Variants in SMAD3 observed in about 807,000 individuals in gnomAD.
SMAD3 encodes MAD homolog 3.
SMAD3 carries 12 observed loss-of-function variants against 51.8 expected under a neutral mutation model. That is an observed-to-expected ratio of 0.23 (90% CI 0.15 to 0.38). SMAD3 has a LOEUF of 0.38. Among genes scored for constraint, SMAD3 ranks in the 10% least tolerant of loss-of-function variants. SMAD3 has a pLI of 1.00. For missense variants in SMAD3, 294 were observed against 565.6 expected, an observed-to-expected ratio of 0.52 and a Z score of 4.87; for synonymous variants, 238 against 227.7, an observed-to-expected ratio of 1.05 and a Z score of -0.41.
intron 5 of SMAD3, among the ~76,000 whole-genome samples, chr15:67,171,728 G>A (rs1962757531): frequency 6.6e-6 from 1 of 152,200 alleles, no homozygotes; most frequent in South Asian, 2.1e-4. Context: ...GGCAGTGTGG[G>A]ATGTGACTTT....
intron 1 of SMAD3, among the ~76,000 whole-genome samples, chr15:67,130,403 G>A (rs969681897): frequency 6.6e-6 from 1 of 152,334 alleles, no homozygotes; most frequent in Admixed American, 6.5e-5. Flanking sequence ...GTAGTAGTAG[G>A]TGAGTGGTGG....
At chr15:67,077,109 A>C (rs1236739926) in intron 1 of SMAD3, among the ~76,000 whole-genome samples, 1 of 152,226 alleles carries the variant, frequency 6.6e-6, no homozygotes, top group African/African-American at 2.4e-5. Flanking sequence ...TGGTCAAGGC[A>C]GGATGATAGA....
chr15:67,186,500 C>T (rs1172452969), intron 7 of SMAD3, among the ~76,000 whole-genome samples: 1 of 152,242 alleles, frequency 6.6e-6, no homozygotes, highest in East Asian at 1.9e-4. Context: ...AGTCACACAG[C>T]AAGAACAGGA....
At chr15:67,117,944 T>C (rs928491258) in intron 1 of SMAD3, among the ~76,000 whole-genome samples, 58 of 152,106 alleles carry the variant, frequency 3.8e-4, no homozygotes, top group African/African-American at 1.3e-3. Context: ...ATACAAAAAT[T>C]AGCCGGGCGT....
At chr15:67,179,204 G>A (rs185525036) in intron 5 of SMAD3, among the ~76,000 whole-genome samples, 40 of 152,300 alleles carry the variant, frequency 2.6e-4, no homozygotes, top group African/African-American at 7.5e-4. Flanking sequence ...TCTGGAGGAT[G>A]GCTTTATAGC....
chr15:67,146,219 A>C (rs894095225), intron 1 of SMAD3: 6 of 152,228 alleles, frequency 3.9e-5, no homozygotes, highest in African/African-American at 1.4e-4. Flanking sequence ...TAGAATCTTA[A>C]ATGTTTCCTA....
chr15:67,152,869 C>T (rs991432758), intron 1 of SMAD3, among the ~76,000 whole-genome samples: 1 of 152,134 alleles, frequency 6.6e-6, no homozygotes, highest in African/African-American at 2.4e-5. Flanking sequence ...AATAGAAAAG[C>T]CCTAAACACT....
At chr15:67,069,194 G>T (rs917909691) in intron 1 of SMAD3, among the ~76,000 whole-genome samples, 3 of 152,172 alleles carry the variant, frequency 2.0e-5, no homozygotes, top group African/African-American at 7.2e-5. Flanking sequence ...TATCAGGGGA[G>T]CTGGCGTGAT....
rs944978027 is a variant in SMAD3, at chr15:67,192,658, C to T, written c.*2122C>T. 1.3e-5 allele frequency: 3 copies of T among 233,220 alleles called. No homozygotes were observed. The highest frequency in any genetic ancestry group is 6.6e-5 in the African/African-American group (3 of 45,336). 14.4% of individuals were successfully genotyped at this position (233,220 alleles called of 1,614,324 possible). On this transcript the variant is annotated 3_prime_UTR_variant, in exon 9 of 9. Coordinates refer to ENST00000327367, the MANE Select transcript of SMAD3 (RefSeq NM_005902.4). ...CTGCTGCACGATCCTATGAGGGCTTCCTGTGGCACACAGCCCTCTGGGTGC... is the reference window on the plus strand; with the variant it reads ...CTGCTGCACGATCCTATGAGGGCTTTCTGTGGCACACAGCCCTCTGGGTGC...
chr15:67,182,888 G>A (rs577623372), intron 6 of SMAD3, among the ~76,000 whole-genome samples: 25 of 149,290 alleles, frequency 1.7e-4, no homozygotes, highest in African/African-American at 3.7e-4. Flanking sequence ...AGGCCCAGTC[G>A]CAAACTCTTG....
rs966219771 is a variant in SMAD3, at chr15:67,193,224, TAG to T, written c.*2691_*2692del. 7 of 233,354 alleles carry T rather than the reference TAG, an allele frequency of 3.0e-5. No homozygotes were observed. Among genetic ancestry groups the T allele is most frequent in the Non-Finnish European group, 5.1e-5 (6 of 118,070 alleles). 14.5% of individuals were successfully genotyped at this position (233,354 alleles called of 1,614,324 possible). ...GGGCAAGAGGAAACCAGGGCAGTTCTAGAGGAGTGCTGGTGACTGGATAGCAG... is the reference window on the plus strand; with the variant it reads ...GGGCAAGAGGAAACCAGGGCAGTTCTAGGAGTGCTGGTGACTGGATAGCAG... On this transcript the variant is annotated 3_prime_UTR_variant, in exon 9 of 9. Coordinates refer to ENST00000327367, the MANE Select transcript of SMAD3 (RefSeq NM_005902.4).
At chr15:67,117,654 A>T (rs28572121) in intron 1 of SMAD3, among the ~76,000 whole-genome samples, 1 of 152,192 alleles carries the variant, frequency 6.6e-6, no homozygotes, top group Non-Finnish European at 1.5e-5. Context: ...TTTGTCGAGC[A>T]TGGATTTTCA....
rs1963053530 is a variant in SMAD3, at chr15:67,181,424, C to T, written c.842C>T (p.Ala281Val). ...CTGCTCTCCAATGTCAACAGGAATG[C>T]AGCAGTGGAGCTGACACGGAGACAC... ...LGLLSNVNRN[A>V]AVELTRRHIG... The change falls in exon 6 of 9, where the codon GCA becomes GTA. Residue 281 changes from alanine to valine, a missense_variant. Physicochemically the swap from Ala to Val is moderately conservative, Grantham distance 64. Coordinates refer to ENST00000327367, the MANE Select transcript of SMAD3 (RefSeq NM_005902.4). 6.2e-7 allele frequency: 1 copy of T among 1,613,908 alleles called. No homozygotes were observed. Among genetic ancestry groups the T allele is most frequent in the Non-Finnish European group, 8.5e-7 (1 of 1,180,016 alleles).
At chr15:67,115,413 C>G (rs951101315) in intron 1 of SMAD3, among the ~76,000 whole-genome samples, 11 of 152,134 alleles carry the variant, frequency 7.2e-5, no homozygotes, top group African/African-American at 1.9e-4. Context: ...AATGTGATGC[C>G]AAGCAAACAG....
chr15:67,067,640 C>A (rs557472099), intron 1 of SMAD3, among the ~76,000 whole-genome samples: 2 of 152,266 alleles, frequency 1.3e-5, no homozygotes, highest in South Asian at 4.1e-4. Flanking sequence ...CAACATCTGT[C>A]CACGGGAACC....
chr15:67,185,912 C>G (rs959905433), intron 7 of SMAD3, among the ~76,000 whole-genome samples: 2 of 152,262 alleles, frequency 1.3e-5, no homozygotes, highest in Non-Finnish European at 2.9e-5. Context: ...CCCTTCCTGC[C>G]CACTGAGTAG....
chr15:67,066,085 C>T lies in SMAD3; in HGVS notation c.-70C>T. On this transcript the variant is annotated 5_prime_UTR_variant, in exon 1 of 9. Coordinates refer to ENST00000327367, the MANE Select transcript of SMAD3 (RefSeq NM_005902.4). ...CAGGCCCCGGCCGAGCTCCCCTCTG[C>T]GCCCCCGGCGTCCCGTCGAGCCCAG... 8.1e-7 allele frequency: 1 copy of T among 1,229,210 alleles called. No individual in the cohort carries two copies. Among genetic ancestry groups the T allele is most frequent in the South Asian group, 1.4e-5 (1 of 72,492 alleles). The allele number at this position is 1,229,210 out of a possible 1,614,324, so 76.1% of individuals were successfully genotyped here.
chr15:67,135,393 G>C lies in SMAD3; in HGVS notation c.207-29502G>C, dbSNP rs1056789264. ...CAGTGGCTTTGCCCCTTGGAAGCTT[G>C]GTTTCCTCATCTGGGACAGAAAGGG... On this transcript the variant is annotated intron_variant, in intron 1 of 8. Transcript: ENST00000327367. 4.6e-5 allele frequency among the ~76,000 whole-genome samples: 7 copies of C among 152,240 alleles called. No homozygotes were observed. The South Asian group carries it at 1.4e-3, about 32-fold the overall frequency.
chr15:67,192,732 A>G lies in SMAD3; in HGVS notation c.*2196A>G, dbSNP rs777131267. 16 of 232,964 alleles carry G rather than the reference A, an allele frequency of 6.9e-5. No individual in the cohort carries two copies. Among genetic ancestry groups the G allele is most frequent in the Non-Finnish European group, 1.2e-4 (14 of 117,884 alleles). The allele number at this position is 232,964 out of a possible 1,614,324, so 14.4% of individuals were successfully genotyped here. On this transcript the variant is annotated 3_prime_UTR_variant, in exon 9 of 9. Coordinates refer to ENST00000327367, the MANE Select transcript of SMAD3 (RefSeq NM_005902.4). ...CCTGATTCTGGTGATCCAGTGATCT[A>G]TGGAAGTCGTGTCTTACTCCAGGTG...
Sources: gnomAD v4.1 joint callset for allele counts (sites outside exome capture counted in the v4.1 genomes callset) on GRCh38, gnomAD v4.1.1 for gene constraint, MANE v1.5 for transcripts, NCBI Gene and HGNC (gene_info 2026-07-23, HGNC 2026-07-21) for gene names.